EXOC5: variants seen among roughly 807,000 people sequenced by gnomAD.
The protein encoded by EXOC5 is SEC10-like 1.
EXOC5 carries 17 observed loss-of-function variants against 90.8 expected under a neutral mutation model. The ratio of observed to expected loss-of-function variants is 0.19; its 90% CI spans 0.13 to 0.28. The LOEUF (loss-of-function observed/expected upper bound fraction) is 0.28, where lower values mean the gene tolerates loss of function less well. Ranked by LOEUF, EXOC5 falls within the 10% of genes least tolerant of loss-of-function variation. EXOC5 has a pLI of 1.00. For missense variants in EXOC5, 569 were observed against 830.6 expected (o/e 0.69, Z 3.87); for synonymous variants, 260 against 270.0 (o/e 0.96, Z 0.36).
At chr14:57,231,985 C>T (rs561187591) in intron 10 of EXOC5, 131 of 299,920 alleles carry the variant, frequency 4.4e-4, no homozygotes, top group African/African-American at 2.4e-3. Flanking sequence ...CCAGAAATGG[C>T]GACAGTGGCA....
At chr14:57,216,323 C>A (rs1882972703) in intron 15 of EXOC5, among the ~76,000 whole-genome samples, 1 of 150,688 alleles carries the variant, frequency 6.6e-6, no homozygotes, top group Admixed American at 6.6e-5. Context: ...AGAAAAAATC[C>A]TGAATAGCCA....
intron 1 of EXOC5, among the ~76,000 whole-genome samples, chr14:57,262,562 G>GTA (rs1311715935): frequency 1.4e-4 from 19 of 134,002 alleles, no homozygotes; most frequent in African/African-American, 6.5e-4. Context: ...GTGTGTGTGT[G>GTA]TGTATATATA....
chr14:57,213,089 T>C (rs78431277), intron 15 of EXOC5, among the ~76,000 whole-genome samples: 1,567 of 151,298 alleles, frequency 0.01, 28 homozygotes, highest in African/African-American at 0.036. Flanking sequence ...GCAGCTTTGA[T>C]AAACGTAAGT....
chr14:57,261,525 G>A (rs1594686029), intron 1 of EXOC5, among the ~76,000 whole-genome samples: 1 of 152,224 alleles, frequency 6.6e-6, no homozygotes, highest in South Asian at 2.1e-4. Flanking sequence ...ACCAGCAGAA[G>A]GCTATTAGAT....
intron 15 of EXOC5, among the ~76,000 whole-genome samples, chr14:57,215,616 C>G (rs571159637): frequency 6.9e-4 from 104 of 151,508 alleles, no homozygotes; most frequent in African/African-American, 2.4e-3. Flanking sequence ...TAAAATTCAA[C>G]ACTCTTTCAT....
At chr14:57,264,308 T>C (rs1316524576) in intron 1 of EXOC5, among the ~76,000 whole-genome samples, 1 of 152,246 alleles carries the variant, frequency 6.6e-6, no homozygotes, top group Non-Finnish European at 1.5e-5. Flanking sequence ...GGCTAGCTAA[T>C]TGAACAAGAG....
At chr14:57,232,382 C>T (rs1883512644) in intron 10 of EXOC5, 1 of 205,530 alleles carries the variant, frequency 4.9e-6, no homozygotes, top group Non-Finnish European at 9.6e-6. Context: ...GTTAAGATTA[C>T]ATCACTTCCT....
At chr14:57,245,040 T>A (rs1166685491) in intron 3 of EXOC5, among the ~76,000 whole-genome samples, 1 of 152,170 alleles carries the variant, frequency 6.6e-6, no homozygotes, top group Non-Finnish European at 1.5e-5. Flanking sequence ...CCAATTTATT[T>A]TAAATATTTA....
At chr14:57,256,233 G>C (rs551356199) in intron 1 of EXOC5, among the ~76,000 whole-genome samples, 1 of 152,142 alleles carries the variant, frequency 6.6e-6, no homozygotes, top group African/African-American at 2.4e-5. Context: ...TGGGGGCAGA[G>C]AGCAGTATGT....
intron 3 of EXOC5, among the ~76,000 whole-genome samples, chr14:57,245,885 T>C (rs576434934): frequency 6.6e-6 from 1 of 152,012 alleles, no homozygotes; most frequent in South Asian, 2.1e-4. Context: ...AAATCTCTAC[T>C]AAAAATACAA....
Position 57,208,300 on chromosome 14 carries a change from C to T in EXOC5, c.*309G>A, listed in dbSNP as rs1882718281. ...AAAACACTGGTAACATTTCCTTTGCCTTCTGACAGCAACATTTTCTAGGAT... is the reference window on the plus strand; with the variant it reads ...AAAACACTGGTAACATTTCCTTTGCTTTCTGACAGCAACATTTTCTAGGAT... On this transcript the variant is annotated 3_prime_UTR_variant, in exon 18 of 18. Transcript: ENST00000621441. 8.9e-6 allele frequency: 2 copies of T among 224,090 alleles called. No homozygotes were observed. Among genetic ancestry groups the T allele is most frequent in the Admixed American group, 1.1e-4 (2 of 18,184 alleles). The allele number at this position is 224,090 out of a possible 1,614,324, so 13.9% of individuals were successfully genotyped here.
chr14:57,239,259 T>C (rs2139646204), intron 5 of EXOC5, among the ~76,000 whole-genome samples: 1 of 152,316 alleles, frequency 6.6e-6, no homozygotes, highest in South Asian at 2.1e-4. Flanking sequence ...CTCTATCCCC[T>C]ACCTGGTTCT....
rs207474873 is a variant in EXOC5 at position 57,268,771 on chromosome 14, C to G, written c.-123G>C. 1 of 1,450,088 alleles carries G rather than the reference C, an allele frequency of 6.9e-7. No individual in the cohort carries two copies. Among genetic ancestry groups the G allele is most frequent in the African/African-American group, 1.5e-5 (1 of 68,320 alleles). The allele number at this position is 1,450,088 out of a possible 1,614,324, so 89.8% of individuals were successfully genotyped here. A position where few individuals can be genotyped will look rare whatever the true frequency, so the allele number is the denominator to read the frequency against. ...AGCTCCGGCTCCGGGCCGCTGCGGGCTCCCCAGCTCCCCACAGATCCCAGG... is the reference window on the plus strand; with the variant it reads ...AGCTCCGGCTCCGGGCCGCTGCGGGGTCCCCAGCTCCCCACAGATCCCAGG... On this transcript the variant is annotated 5_prime_UTR_variant, in exon 1 of 18. Transcript: ENST00000621441.
chr14:57,249,174 G>A (rs1029547224), intron 1 of EXOC5, among the ~76,000 whole-genome samples: 1 of 152,136 alleles, frequency 6.6e-6, no homozygotes, highest in African/African-American at 2.4e-5. Context: ...ACTATGGTAA[G>A]TAGTAAGTCT....
rs551441194 is a variant in EXOC5, at chr14:57,263,090, C to CT, written c.27+5531dup. Among the ~76,000 whole-genome samples, 108 of 152,286 alleles carry CT rather than the reference C, an allele frequency of 7.1e-4. 1 individual carries two copies. The highest frequency in any genetic ancestry group is 2.5e-3 in the African/African-American group (104 of 41,554). The stretch of plus-strand genomic sequence containing the variant: ...CCCCCATAGAAGGCCATTCTTCACA[C>CT]TAACATTAAAATTGTCTGTCTCCCT... On this transcript the variant is annotated intron_variant, in intron 1 of 17. Transcript: ENST00000621441.
At chr14:57,228,826 G>A (rs1007500419) in intron 12 of EXOC5, among the ~76,000 whole-genome samples, 9 of 144,992 alleles carry the variant, frequency 6.2e-5, no homozygotes, top group Non-Finnish European at 1.2e-4. Context: ...TGCATGCTCT[G>A]CACACGTATC....
intron 16 of EXOC5, 58 bp from the exon 17 acceptor site, chr14:57,209,840 G>T: frequency 2.3e-6 from 3 of 1,324,604 alleles, no homozygotes; most frequent in Non-Finnish European, 3.2e-6. Context: ...AGCTAAAGAG[G>T]AAATACAGTT....
At chr14:57,218,894 C>T (rs1883048159) in intron 14 of EXOC5, among the ~76,000 whole-genome samples, 1 of 152,050 alleles carries the variant, frequency 6.6e-6, no homozygotes, top group Non-Finnish European at 1.5e-5. Flanking sequence ...CCAAACCTTA[C>T]TCTAATGCCT....
At chr14:57,218,873 G>A (rs898877946) in intron 14 of EXOC5, among the ~76,000 whole-genome samples, 1 of 152,002 alleles carries the variant, frequency 6.6e-6, no homozygotes, top group Admixed American at 6.6e-5. Context: ...AAATTGATAT[G>A]AAGATATAAA....
Sources: allele counts gnomAD v4.1 joint callset (sites outside exome capture counted in the v4.1 genomes callset), GRCh38; gene constraint gnomAD v4.1.1; transcripts MANE v1.5; gene names NCBI Gene and HGNC (gene_info 2026-07-23, HGNC 2026-07-21).